The following CRYGB variants were observed in gnomAD, a reference collection of about 807,000 sequenced individuals.
CRYGB encodes the protein crystallin gamma B.
In CRYGB, 19 loss-of-function variants were observed where a neutral mutation model predicts 21.3. That is an observed-to-expected ratio of 0.89 (90% CI 0.62 to 1.31). CRYGB has a LOEUF of 1.31. Ranked by LOEUF, CRYGB falls within the 50% of genes most tolerant of loss-of-function variation. The probability of loss-of-function intolerance (pLI) is 0.00; values close to 1 mark genes in which losing one functional copy is unlikely to be tolerated. For missense variants in CRYGB, 254 were observed against 228.4 expected, an observed-to-expected ratio of 1.11 and a Z score of -0.72; for synonymous variants, 81 against 81.2, an observed-to-expected ratio of 1.00 and a Z score of 0.01.
In CRYGB at chr2:208,145,913, A is replaced by T. The variant is rs1383789512; in HGVS notation, c.113T>A (p.Val38Glu). ...PYFSRCNSIR[V>E]ESGCWMIYER... ...ATAGATCATCCAGCAGCCGCTCTCC[A>T]CCCTGATGGAGTTGCAGCGGCTGAA... is the stretch of plus-strand genomic sequence containing the variant. Residue 38 changes from valine (V) to glutamate (E), a missense_variant, in exon 2 of 3, where the codon GTG (valine) becomes GAG (glutamate). By Grantham distance (121) the Val-to-Glu change is moderately radical (BLOSUM62 -2). Transcript: ENST00000260988. 6.2e-7 allele frequency: 1 copy of T among 1,613,998 alleles called. No homozygotes were observed. Among genetic ancestry groups the T allele is most frequent in the Non-Finnish European group, 8.5e-7 (1 of 1,180,016 alleles).
At chr2:208,144,387 G>GCA (rs34125940) in intron 2 of CRYGB, among the ~76,000 whole-genome samples, 60,457 of 150,120 alleles carry the variant, frequency 0.4, 12,867 homozygotes, top group South Asian at 0.53. Flanking sequence ...ATATGCGCAC[G>GCA]CACACACACA....
chr2:208,143,058 A>T, intron 2 of CRYGB, 145 bp from the exon 3 acceptor site: 1 of 802,354 alleles, frequency 1.2e-6, no homozygotes. Flanking sequence ...TTGCAAAGTT[A>T]AGGAGCTGTC....
rs768797225 is a variant in CRYGB, at chr2:208,145,869, C to T, written c.157G>A (p.Gly53Ser). ...WMIYERPNYQ[G>S]HQYFLRRGEY... The stretch of plus-strand genomic sequence containing the variant: ...CCACGCCGCAGGAAGTACTGGTGGC[C>T]CTGGTAGTTGGGGCGCTCATAGATC... Residue 53 changes from glycine (G) to serine (S), a missense_variant, in exon 2 of 3, where the codon GGC (glycine) becomes AGC (serine). Physicochemically the swap from Gly to Ser is moderately conservative, Grantham distance 56. Coordinates refer to ENST00000260988, the MANE Select transcript of CRYGB (RefSeq NM_005210.4). The T allele has an allele frequency of 5.0e-6, 8 of 1,613,898 alleles. No homozygotes were observed. The African/African-American group carries it at 9.4e-5, about 19-fold the overall frequency.
At chr2:208,143,247 AC>A (rs113120920) in intron 2 of CRYGB, among the ~76,000 whole-genome samples, 72 of 152,378 alleles carry the variant, frequency 4.7e-4, no homozygotes, top group African/African-American at 1.7e-3. Context: ...TTATGTATAT[AC>A]AGTGAAAGGA....
intron 2 of CRYGB, among the ~76,000 whole-genome samples, chr2:208,144,058 T>G (rs1022204184): frequency 6.8e-6 from 1 of 147,330 alleles, no homozygotes; most frequent in African/African-American, 2.5e-5. Context: ...TTCACTCTTG[T>G]TGCCCAGGCT....
rs748042997 is a variant in CRYGB, at chr2:208,146,110, A to G, written c.9+2T>C. On this transcript the variant is annotated splice_donor_variant, in intron 1 of 2. Coordinates refer to ENST00000260988, the MANE Select transcript of CRYGB (RefSeq NM_005210.4). LOFTEE classifies it high-confidence loss of function. ...GCTGAGCATCCGGTACCCAGGACTTACCTTTCCCATTTTGAAGGAAGTGAG... is the reference window on the plus strand; with the variant it reads ...GCTGAGCATCCGGTACCCAGGACTTGCCTTTCCCATTTTGAAGGAAGTGAG... The G allele has an allele frequency of 6.2e-7, 1 of 1,614,038 alleles. No individual in the cohort carries two copies. The highest frequency in any genetic ancestry group is 1.3e-5 in the African/African-American group (1 of 74,936).
intron 2 of CRYGB, among the ~76,000 whole-genome samples, chr2:208,143,916 T>G (rs1277816950): frequency 1.3e-5 from 2 of 152,166 alleles, no homozygotes; most frequent in Non-Finnish European, 2.9e-5. Flanking sequence ...CTAAAATGTA[T>G]AAAAGCAAAC....
Position 208,146,152 on chromosome 2 carries a change from G to T in CRYGB, c.-32C>A. On this transcript the variant is annotated 5_prime_UTR_variant, in exon 1 of 3. Transcript: ENST00000260988. ...GGAAGTGAGCAGATGTTTTCTGGTTGCTGTGTGGGACTGCGGGAACGTCAC... is the reference window on the plus strand; with the variant it reads ...GGAAGTGAGCAGATGTTTTCTGGTTTCTGTGTGGGACTGCGGGAACGTCAC... 6.2e-7 allele frequency: 1 copy of T among 1,613,398 alleles called. No individual in the cohort carries two copies. Among genetic ancestry groups the T allele is most frequent in the Non-Finnish European group, 8.5e-7 (1 of 1,179,476 alleles).
rs1245388207 is a variant in CRYGB at position 208,145,758 on chromosome 2, A to G, written c.252+16T>C. 15 of 1,599,152 alleles carry G rather than the reference A, an allele frequency of 9.4e-6. No individual in the cohort carries two copies. The highest frequency in any genetic ancestry group is 1.3e-5 in the Non-Finnish European group (15 of 1,170,946). On this transcript the variant is annotated intron_variant, in intron 2 of 2. Transcript: ENST00000260988. Reference sequence around the variant, plus strand: ...ATTTCCAAAAAGATGGAAGGCAAAGACAGAGCCACACTCACCGGGGGGATG... The same window carrying G: ...ATTTCCAAAAAGATGGAAGGCAAAGGCAGAGCCACACTCACCGGGGGGATG...
intron 2 of CRYGB, among the ~76,000 whole-genome samples, chr2:208,144,693 C>A (rs1327601215): frequency 6.6e-6 from 1 of 151,362 alleles, no homozygotes; most frequent in African/African-American, 2.4e-5. Context: ...CGGGTTCAAG[C>A]GATTCTCCTG....
At chr2:208,144,219 T>C (rs1695413115) in intron 2 of CRYGB, among the ~76,000 whole-genome samples, 1 of 151,758 alleles carries the variant, frequency 6.6e-6, no homozygotes, top group Admixed American at 6.6e-5. Context: ...TTCTCCATGT[T>C]GGTCAGGCTG....
intron 2 of CRYGB, among the ~76,000 whole-genome samples, chr2:208,144,263 CT>C (rs1174637318): frequency 2.6e-5 from 4 of 152,064 alleles, no homozygotes; most frequent in African/African-American, 9.7e-5. Flanking sequence ...GATCTGCCTG[CT>C]TTGGCCTCCC....
intron 1 of CRYGB, 35 bp downstream of exon 1, chr2:208,146,077 G>A: frequency 6.2e-7 from 1 of 1,614,214 alleles, no homozygotes; most frequent in Non-Finnish European, 8.5e-7. Context: ...CACTGCATTA[G>A]GGCCAAGGCT....
chr2:208,143,436 G>C (rs1234521106), intron 2 of CRYGB, among the ~76,000 whole-genome samples: 1 of 151,996 alleles, frequency 6.6e-6, no homozygotes, highest in African/African-American at 2.4e-5. Context: ...CAGAGTCATC[G>C]AGCCAGACTA....
chr2:208,143,878 T>C (rs536966870), intron 2 of CRYGB, among the ~76,000 whole-genome samples: 2 of 152,230 alleles, frequency 1.3e-5, no homozygotes, highest in East Asian at 1.9e-4. Flanking sequence ...TTACAACTTA[T>C]ACATATTGAT....
rs755445386 is a variant in CRYGB, at chr2:208,145,999, G to A, written c.27C>T (p.Asp9=). The change falls in exon 2 of 3, where the codon GAC becomes GAT. Residue 9 remains aspartate, a synonymous_variant. Transcript: ENST00000260988. The stretch of plus-strand genomic sequence containing the variant: ...CGTAGCTGCGGCCCTGGAAGGCCCT[G>A]TCCTCGTAGAAGGTGATCTGAAAAA... MGKITFYE[D]RAFQGRSYEC... 6.8e-6 allele frequency: 11 copies of A among 1,614,216 alleles called. 1 individual carries two copies. In the Admixed American group the frequency reaches 1.7e-4, roughly 24 times the overall value.
chr2:208,145,714 A>G (rs1242122115), intron 2 of CRYGB, 60 bp downstream of exon 2: 1 of 1,519,486 alleles, frequency 6.6e-7, no homozygotes, highest in African/African-American at 1.4e-5. Flanking sequence ...AAAAAAAAGA[A>G]TATCATGAAA....
chr2:208,144,241 C>T (rs530617293), intron 2 of CRYGB, among the ~76,000 whole-genome samples: 20 of 151,940 alleles, frequency 1.3e-4, no homozygotes, highest in Non-Finnish European at 2.2e-4. Context: ...TCTCAAACTC[C>T]GGACCTCAGG....
chr2:208,145,747 G>A, intron 2 of CRYGB, 27 bp downstream of exon 2: 1 of 1,562,500 alleles, frequency 6.4e-7, no homozygotes, highest in South Asian at 1.2e-5. Context: ...CCAAAAAGAT[G>A]GAAGGCAAAG....
Sources: allele counts gnomAD v4.1 joint callset (sites outside exome capture counted in the v4.1 genomes callset), GRCh38; gene constraint gnomAD v4.1.1; transcripts MANE v1.5; gene names NCBI Gene and HGNC (gene_info 2026-07-23, HGNC 2026-07-21).